Variants in LDLRAD3 observed in about 807,000 individuals in gnomAD.
LDLRAD3 encodes low-density lipoprotein receptor class A domain-containing protein 3.
A neutral mutation model predicts 29.4 loss-of-function variants in LDLRAD3; 20 were observed. The observed-to-expected ratio is 0.68, with a 90% confidence interval of 0.48 to 0.99. The LOEUF is 0.99. Among genes scored for constraint, LDLRAD3 ranks in the 50% least tolerant of loss-of-function variants. The pLI, the probability that LDLRAD3 is intolerant of heterozygous loss-of-function variation, is 0.00. For synonymous variants in LDLRAD3, 157 were observed against 192.7 expected, an observed-to-expected ratio of 0.81 and a Z score of 1.53; for missense variants, 420 against 454.3, an observed-to-expected ratio of 0.92 and a Z score of 0.69.
chr11:35,952,178 C>A (rs903575926), intron 1 of LDLRAD3, among the ~76,000 whole-genome samples: 2 of 152,166 alleles, frequency 1.3e-5, no homozygotes. Flanking sequence ...CCTAAACCTT[C>A]GACCAGTAAG....
chr11:35,989,169 A>G (rs1851656421), intron 1 of LDLRAD3, among the ~76,000 whole-genome samples: 1 of 152,206 alleles, frequency 6.6e-6, no homozygotes, highest in South Asian at 2.1e-4. Context: ...TTTGTAAAAG[A>G]TCAGATGGCT....
intron 1 of LDLRAD3, among the ~76,000 whole-genome samples, chr11:36,034,194 A>C (rs1037478561): frequency 1.7e-4 from 26 of 152,206 alleles, no homozygotes; most frequent in Non-Finnish European, 3.5e-4. Context: ...CCAGGGAGCC[A>C]TTCAATGACC....
At chr11:36,011,472 A>G (rs530316544) in intron 1 of LDLRAD3, among the ~76,000 whole-genome samples, 5 of 152,166 alleles carry the variant, frequency 3.3e-5, no homozygotes, top group Non-Finnish European at 7.3e-5. Context: ...AGAAGTGAGA[A>G]CACAGTGGTC....
chr11:36,223,229 A>C (rs1172180670), intron 4 of LDLRAD3, among the ~76,000 whole-genome samples: 1 of 152,204 alleles, frequency 6.6e-6, no homozygotes, highest in Non-Finnish European at 1.5e-5. Flanking sequence ...CTCGCCTGCC[A>C]AAGTGAAGAG....
At chr11:36,040,760 G>C (rs1852370777) in intron 2 of LDLRAD3, among the ~76,000 whole-genome samples, 1 of 152,144 alleles carries the variant, frequency 6.6e-6, no homozygotes, top group Non-Finnish European at 1.5e-5. Context: ...CTGCCGACTT[G>C]TTTTGCTAAA....
chr11:36,178,915 TAAGTGTCTTGAGGTCATAG>T, intron 4 of LDLRAD3, among the ~76,000 whole-genome samples: 2 of 152,350 alleles, frequency 1.3e-5, no homozygotes, highest in Non-Finnish European at 1.5e-5. Context: ...AATTTGATTG[TAAGTGTCTTGAGGTCATAG>T]AAGTAAAAGC....
chr11:35,964,140 G>A (rs1034234478), intron 1 of LDLRAD3, among the ~76,000 whole-genome samples: 7 of 152,180 alleles, frequency 4.6e-5, no homozygotes, highest in African/African-American at 1.7e-4. Flanking sequence ...CTTGAGCAAT[G>A]GAAGATAAAA....
At chr11:36,122,453 C>G (rs2133297357) in intron 4 of LDLRAD3, among the ~76,000 whole-genome samples, 1 of 152,248 alleles carries the variant, frequency 6.6e-6, no homozygotes, top group South Asian at 2.1e-4. Flanking sequence ...TTGTGACTAT[C>G]AAGTGTAATA....
intron 2 of LDLRAD3, among the ~76,000 whole-genome samples, chr11:36,080,525 G>A (rs977032758): frequency 1.3e-5 from 2 of 152,124 alleles, no homozygotes; most frequent in African/African-American, 2.4e-5. Flanking sequence ...GGCCTCACCC[G>A]GTGCTTGATT....
In LDLRAD3 at chr11:36,205,609, T is replaced by G. The variant is rs187691535; in HGVS notation, c.455-21476T>G. On this transcript the variant is annotated intron_variant, in intron 4 of 5. Coordinates refer to ENST00000315571, the MANE Select transcript of LDLRAD3 (RefSeq NM_174902.4). ...GATCAAAAAAGGGTTTAAGAGCTGT[T>G]GTCTGCCATCAAGCAAGATGCCTCA... 5.2e-3 allele frequency among the ~76,000 whole-genome samples: 799 copies of G among 152,366 alleles called. 13 individuals carry two copies. Among genetic ancestry groups the G allele is most frequent in the African/African-American group, 0.018 (765 of 41,588 alleles).
intron 1 of LDLRAD3, chr11:35,997,530 G>A (rs1383134127): frequency 5.6e-6 from 2 of 355,556 alleles, no homozygotes; most frequent in Non-Finnish European, 1.1e-5. Context: ...CCAGTCACCG[G>A]TTGCCTTGGC....
At chr11:36,114,042 G>A (rs1011300282) in intron 4 of LDLRAD3, among the ~76,000 whole-genome samples, 3 of 152,220 alleles carry the variant, frequency 2.0e-5, no homozygotes, top group Non-Finnish European at 4.4e-5. Context: ...GGCAGAAAGG[G>A]AGATTGGATG....
Position 35,970,777 on chromosome 11 carries a change from T to G in LDLRAD3, c.46+26633T>G, listed in dbSNP as rs185649751. Among the ~76,000 whole-genome samples the G allele has an allele frequency of 1.8e-3, 271 of 152,336 alleles. 1 individual carries two copies. The highest frequency in any genetic ancestry group is 6.3e-3 in the African/African-American group (263 of 41,586). ...TTTCATGATGGAGCCAGCAAGGTGG[T>G]AACTTTCTAATGCTGGGTATCTAGG... On this transcript the variant is annotated intron_variant, in intron 1 of 5. Transcript: ENST00000315571.
intron 4 of LDLRAD3, among the ~76,000 whole-genome samples, chr11:36,165,565 C>G (rs1854501512): frequency 6.6e-6 from 1 of 152,108 alleles, no homozygotes; most frequent in South Asian, 2.1e-4. Context: ...CATTCTTGCA[C>G]TGCTAGGCAA....
At chr11:36,054,105 A>T (rs1852569860) in intron 2 of LDLRAD3, among the ~76,000 whole-genome samples, 1 of 152,220 alleles carries the variant, frequency 6.6e-6, no homozygotes, top group South Asian at 2.1e-4. Context: ...CTCTCTGTTT[A>T]ATATCCCAGG....
chr11:36,060,474 A>G (rs552151012), intron 2 of LDLRAD3, among the ~76,000 whole-genome samples: 1 of 152,222 alleles, frequency 6.6e-6, no homozygotes, highest in East Asian at 1.9e-4. Flanking sequence ...TGTTGCTCTT[A>G]ATCACCCCAC....
intron 1 of LDLRAD3, among the ~76,000 whole-genome samples, chr11:35,951,522 A>G (rs115669500): frequency 2.0e-5 from 3 of 152,244 alleles, no homozygotes; most frequent in South Asian, 2.1e-4. Flanking sequence ...TTTTGTTGCT[A>G]TCTCAGAAGC....
At chr11:36,006,195 C>T (rs1193539649) in intron 1 of LDLRAD3, among the ~76,000 whole-genome samples, 2 of 152,250 alleles carry the variant, frequency 1.3e-5, no homozygotes. Flanking sequence ...CTGTTTAATC[C>T]TTCTTTTCTC....
intron 2 of LDLRAD3, among the ~76,000 whole-genome samples, chr11:36,067,876 C>T (rs184516147): frequency 3.7e-4 from 57 of 152,136 alleles, no homozygotes; most frequent in African/African-American, 1.3e-3. Flanking sequence ...CACCATGTTG[C>T]TCAGGCTGGT....
Sources: allele counts gnomAD v4.1 joint callset (sites outside exome capture counted in the v4.1 genomes callset), GRCh38; gene constraint gnomAD v4.1.1; transcripts MANE v1.5; gene names NCBI Gene and HGNC (gene_info 2026-07-23, HGNC 2026-07-21).